The following ATP11A variants were observed in gnomAD, a reference collection of about 807,000 sequenced individuals.
The protein encoded by ATP11A is phospholipid-transporting ATPase IH.
ATP11A carries 81 observed loss-of-function variants against 154.4 expected under a neutral mutation model. That is an observed-to-expected ratio of 0.52 (90% CI 0.44 to 0.63). ATP11A has a LOEUF of 0.63. Ranked by LOEUF, ATP11A falls within the 30% of genes least tolerant of loss-of-function variation. The probability of loss-of-function intolerance (pLI) is 0.00; values close to 1 mark genes in which losing one functional copy is unlikely to be tolerated. For synonymous variants in ATP11A, 623 were observed against 585.9 expected (o/e 1.06, Z -0.91); for missense variants, 1,316 against 1,474.3 (o/e 0.89, Z 1.76).
chr13:112,880,486 CGA>C, intron 29 of ATP11A: 1 of 1,249,758 alleles, frequency 8.0e-7, no homozygotes, highest in Non-Finnish European at 1.0e-6. Flanking sequence ...GGCAGAGGCC[CGA>C]GCACTCCTGG....
chr13:112,701,488 A>C (rs1275218899), intron 1 of ATP11A, among the ~76,000 whole-genome samples: 1 of 152,322 alleles, frequency 6.6e-6, no homozygotes, highest in Middle Eastern at 3.4e-3. Context: ...GCCCAGAGGA[A>C]GATCTGGTCC....
At chr13:112,879,282 A>G (rs2140445671) in intron 29 of ATP11A, among the ~76,000 whole-genome samples, 1 of 152,340 alleles carries the variant, frequency 6.6e-6, no homozygotes, top group Non-Finnish European at 1.5e-5. Context: ...TTTAAACAGG[A>G]TTTTTAACTG....
intron 2 of ATP11A, among the ~76,000 whole-genome samples, chr13:112,803,854 C>CTCCTTTTCCTCCTTTCTTCCCT (rs2078218670): frequency 8.7e-6 from 1 of 115,558 alleles, no homozygotes; most frequent in Non-Finnish European, 1.8e-5. Context: ...TCTCCTTCCC[C>CTCCTTTTCCTCCTTTCTTCCCT]TCCTTTTCCT....
chr13:112,882,916 G>C lies in ATP11A; in HGVS notation c.*1050G>C, dbSNP rs971498225. 2 of 398,918 alleles carry C rather than the reference G, an allele frequency of 5.0e-6. No individual in the cohort carries two copies. Among genetic ancestry groups the C allele is most frequent in the Non-Finnish European group, 8.8e-6 (2 of 226,432 alleles). 24.7% of individuals were successfully genotyped at this position (398,918 alleles called of 1,614,324 possible). A position where few individuals can be genotyped will look rare whatever the true frequency, so the allele number is the denominator to read the frequency against. On this transcript the variant is annotated 3_prime_UTR_variant, in exon 30 of 30. Transcript: ENST00000375645. The surrounding 1 kb of genome is among the most constrained non-coding windows in gnomAD (Gnocchi z 5.1). ...CTCGGGCTGACGGGGGTGGCACACA[G>C]GACACGGGTGGATCCCAACAGGCAG...
At chr13:112,815,420 G>A (rs754587366) in intron 5 of ATP11A, among the ~76,000 whole-genome samples, 9 of 120,180 alleles carry the variant, frequency 7.5e-5, no homozygotes, top group Admixed American at 2.1e-4. Context: ...TTCCTCACCC[G>A]GCAGACACAC....
chr13:112,856,624 C>T (rs2140343804), intron 20 of ATP11A: 1 of 152,202 alleles, frequency 6.6e-6, no homozygotes, highest in Non-Finnish European at 1.5e-5. Flanking sequence ...GTGGGAAACG[C>T]ACACCTGAAG....
At chr13:112,876,144 A>G (rs1264466198) in intron 28 of ATP11A, 1 of 469,658 alleles carries the variant, frequency 2.1e-6, no homozygotes, top group African/African-American at 2.0e-5. Flanking sequence ...TTATGTTTCA[A>G]CCTAAACAGT....
In ATP11A at chr13:112,690,763, T is replaced by C. The variant is rs914058408; in HGVS notation, c.39+308T>C. The stretch of plus-strand genomic sequence containing the variant: ...CGCCCTGGGGGTCCCTCGGAGAGGC[T>C]GGCTGGGGTTCGAGCTGTCCCGGCG... On this transcript the variant is annotated intron_variant, in intron 1 of 29. Coordinates refer to ENST00000375645, the MANE Select transcript of ATP11A (RefSeq NM_015205.3). This position sits in a 1 kb window ranked among gnomAD's most constrained non-coding sequence, Gnocchi z 5.6. Among the ~76,000 whole-genome samples the C allele has an allele frequency of 1.3e-5, 2 of 151,972 alleles. No individual in the cohort carries two copies.
rs973727717 is a variant in ATP11A, at chr13:112,770,740, G to C, written c.40-14395G>C. Among the ~76,000 whole-genome samples the C allele has an allele frequency of 8.5e-5, 13 of 152,378 alleles. No individual in the cohort carries two copies. The East Asian group carries it at 2.5e-3, about 29-fold the overall frequency. On this transcript the variant is annotated intron_variant, in intron 1 of 29. Coordinates refer to ENST00000375645, the MANE Select transcript of ATP11A (RefSeq NM_015205.3). ...CTGGGAGCCACTGAGAGACGGGGGAGGCACAGGCTCCACGCGCCGCTTCCC... is the reference window on the plus strand; with the variant it reads ...CTGGGAGCCACTGAGAGACGGGGGACGCACAGGCTCCACGCGCCGCTTCCC...
chr13:112,691,665 C>A (rs1885215581), intron 1 of ATP11A, among the ~76,000 whole-genome samples: 1 of 152,050 alleles, frequency 6.6e-6, no homozygotes, highest in Admixed American at 6.6e-5. Context: ...ATTATGGGAA[C>A]TTTGTTCTTT....
At chr13:112,857,090 A>G (rs896003001) in intron 20 of ATP11A, among the ~76,000 whole-genome samples, 1 of 152,236 alleles carries the variant, frequency 6.6e-6, no homozygotes, top group Non-Finnish European at 1.5e-5. Context: ...TGTATTCCAT[A>G]GTACTTTTTT....
At chr13:112,870,283 G>C (rs879478741) in intron 25 of ATP11A, among the ~76,000 whole-genome samples, 1 of 152,208 alleles carries the variant, frequency 6.6e-6, no homozygotes, top group Non-Finnish European at 1.5e-5. Context: ...GACCATGTGG[G>C]AGGACTGTAG....
intron 1 of ATP11A, among the ~76,000 whole-genome samples, chr13:112,772,671 GGCAGCT>G (rs1420865531): frequency 3.3e-5 from 5 of 152,300 alleles, no homozygotes; most frequent in African/African-American, 1.2e-4. Context: ...CCCAGCCCTG[GGCAGCT>G]GCTAATGCAC....
intron 1 of ATP11A, among the ~76,000 whole-genome samples, chr13:112,727,143 G>A (rs1315961216): frequency 1.3e-5 from 2 of 152,236 alleles, no homozygotes; most frequent in South Asian, 2.1e-4. Flanking sequence ...CGCCTCCCAG[G>A]GTCAAGCGAT....
chr13:112,827,292 A>G (rs2078958320), intron 12 of ATP11A, among the ~76,000 whole-genome samples: 1 of 152,234 alleles, frequency 6.6e-6, no homozygotes, highest in Non-Finnish European at 1.5e-5. Context: ...GTGGATTGCA[A>G]AGAGTTCAGA....
intron 23 of ATP11A, among the ~76,000 whole-genome samples, chr13:112,860,050 T>C (rs1488074528): frequency 6.6e-6 from 1 of 152,070 alleles, no homozygotes; most frequent in Admixed American, 6.5e-5. Flanking sequence ...CCTTTTTTTT[T>C]TTTTTCTTGA....
At chr13:112,784,933 C>T (rs1212673651) in intron 1 of ATP11A, among the ~76,000 whole-genome samples, 2 of 152,204 alleles carry the variant, frequency 1.3e-5, no homozygotes, top group Non-Finnish European at 2.9e-5. Context: ...CACCAGAAGA[C>T]CTTGGCCCAT....
chr13:112,743,505 G>T (rs1891771912), intron 1 of ATP11A, among the ~76,000 whole-genome samples: 1 of 151,106 alleles, frequency 6.6e-6, no homozygotes, highest in African/African-American at 2.4e-5. Context: ...TGCTAGCGTT[G>T]ACGGCATAGG....
At chr13:112,880,145 G>A (rs574257371) in intron 29 of ATP11A, among the ~76,000 whole-genome samples, 6 of 152,334 alleles carry the variant, frequency 3.9e-5, no homozygotes, top group South Asian at 4.1e-4. Flanking sequence ...AGGAAAGTCC[G>A]TCGCAGGGCC....
Sources: allele counts gnomAD v4.1 joint callset (sites outside exome capture counted in the v4.1 genomes callset), GRCh38; gene constraint gnomAD v4.1.1; non-coding constraint Gnocchi (gnomAD v3.1); transcripts MANE v1.5; gene names NCBI Gene and HGNC (gene_info 2026-07-23, HGNC 2026-07-21).